Variants in MYO16 observed in about 807,000 individuals in gnomAD.
MYO16 encodes the protein unconventional myosin-XVI.
In MYO16, 94 loss-of-function variants were observed where a neutral mutation model predicts 205.3. The observed-to-expected ratio is 0.46, with a 90% CI of 0.39 to 0.54. The LOEUF (loss-of-function observed/expected upper bound fraction) is 0.54, where lower values mean the gene tolerates loss of function less well. Among genes scored for constraint, MYO16 ranks in the 20% least tolerant of loss-of-function variants. The pLI is 0.00. For missense variants in MYO16, 2,315 were observed against 2,387.5 expected, an observed-to-expected ratio of 0.97 and a Z score of 0.63; for synonymous variants, 988 against 954.0, an observed-to-expected ratio of 1.04 and a Z score of -0.66.
intron 4 of MYO16, among the ~76,000 whole-genome samples, chr13:108,727,889 A>AT (rs1884395152): frequency 6.6e-6 from 1 of 152,162 alleles, no homozygotes; most frequent in Non-Finnish European, 1.5e-5. Context: ...ATTCATTCTC[A>AT]TTTTTAAATT....
chr13:109,128,573 G>C (rs1876376459), intron 31 of MYO16, among the ~76,000 whole-genome samples: 4 of 151,662 alleles, frequency 2.6e-5, no homozygotes, highest in Admixed American at 2.6e-4. Flanking sequence ...GAAGCAGTAA[G>C]TCCATCCTAG....
At chr13:108,852,910 G>A (rs905359674) in intron 10 of MYO16, among the ~76,000 whole-genome samples, 2 of 152,254 alleles carry the variant, frequency 1.3e-5, no homozygotes, top group Non-Finnish European at 2.9e-5. Context: ...CAGATTGGAA[G>A]ATGTACAACT....
chr13:109,046,044 A>T (rs1213455740), intron 23 of MYO16, among the ~76,000 whole-genome samples: 3 of 151,964 alleles, frequency 2.0e-5, no homozygotes, highest in Admixed American at 6.6e-5. Flanking sequence ...GCCCTCCCTC[A>T]TGGCGGATCC....
At chr13:109,203,737 C>T (rs1047491704) in intron 34 of MYO16, among the ~76,000 whole-genome samples, 4 of 152,204 alleles carry the variant, frequency 2.6e-5, no homozygotes, top group Admixed American at 2.6e-4. Context: ...TGAGACTGGT[C>T]ACATGCTAGA....
the MYO16 span, among the ~76,000 whole-genome samples, chr13:108,559,497 C>A: frequency 2.0e-5 from 2 of 102,208 alleles, no homozygotes; most frequent in Non-Finnish European, 3.6e-5. Flanking sequence ...TTTTTTGAGA[C>A]GGAGTCTTGC....
At chr13:108,603,244 C>T (rs1878830808) in intron 1 of MYO16, among the ~76,000 whole-genome samples, 1 of 152,032 alleles carries the variant, frequency 6.6e-6, no homozygotes, top group African/African-American at 2.4e-5. Context: ...TTAGGAAAAT[C>T]CTGGACATGT....
chr13:108,838,862 C>T (rs2139059638), intron 9 of MYO16, among the ~76,000 whole-genome samples: 1 of 151,882 alleles, frequency 6.6e-6, no homozygotes, highest in East Asian at 1.9e-4. Context: ...CTTGGGAACT[C>T]TATGAATGAT....
chr13:108,950,808 G>A lies in MYO16; in HGVS notation c.1926-6880G>A, dbSNP rs547186507. On this transcript the variant is annotated intron_variant, in intron 16 of 34. Coordinates refer to ENST00000457511, the MANE Select transcript of MYO16 (RefSeq NM_001198950.3). ...GGAACACTCTAGATGTTTCTCAGAC[G>A]GGTAAGTGGCTAGACACACTGCTGT... Among the ~76,000 whole-genome samples the A allele has an allele frequency of 7.2e-5, 11 of 152,274 alleles. No homozygotes were observed. In the South Asian group the frequency reaches 1.5e-3, roughly 20 times the overall value.
intron 1 of MYO16, among the ~76,000 whole-genome samples, chr13:108,608,192 T>A (rs974010445): frequency 3.3e-5 from 5 of 152,210 alleles, no homozygotes; most frequent in African/African-American, 4.8e-5. Context: ...CACATAGGCC[T>A]AGGGCGGCAT....
intron 4 of MYO16, among the ~76,000 whole-genome samples, chr13:108,765,852 C>T (rs1183134214): frequency 6.6e-6 from 1 of 152,110 alleles, no homozygotes; most frequent in Non-Finnish European, 1.5e-5. Context: ...TTTATGTTTC[C>T]TGAGGTCATA....
At chr13:108,674,133 A>G (rs1882105395) in intron 2 of MYO16, among the ~76,000 whole-genome samples, 1 of 152,168 alleles carries the variant, frequency 6.6e-6, no homozygotes. Context: ...AATCATTAGG[A>G]CCAAGCTTTC....
chr13:108,791,446 G>A (rs1886612514), intron 5 of MYO16, among the ~76,000 whole-genome samples: 1 of 152,160 alleles, frequency 6.6e-6, no homozygotes, highest in Admixed American at 6.5e-5. Flanking sequence ...CTTACTGAAA[G>A]CTAAATACAT....
chr13:109,194,691 A>T (rs1880071953), intron 34 of MYO16, among the ~76,000 whole-genome samples: 1 of 152,168 alleles, frequency 6.6e-6, no homozygotes, highest in Non-Finnish European at 1.5e-5. Context: ...ATGGATGATG[A>T]CGAGGCTAGA....
At chr13:109,023,298 A>C (rs867939956) in intron 23 of MYO16, among the ~76,000 whole-genome samples, 4,411 of 78,056 alleles carry the variant, frequency 0.057, 209 homozygotes, top group Non-Finnish European at 0.079. Context: ...TATTATACAG[A>C]TATAAATATA....
At chr13:108,555,984 T>C in the MYO16 span, among the ~76,000 whole-genome samples, 1 of 152,104 alleles carries the variant, frequency 6.6e-6, no homozygotes, top group Non-Finnish European at 1.5e-5. Flanking sequence ...TTTTCTTGTA[T>C]CCATTCATCT....
intron 4 of MYO16, among the ~76,000 whole-genome samples, chr13:108,765,522 G>T (rs79555073): frequency 6.6e-5 from 10 of 152,054 alleles, no homozygotes. Flanking sequence ...TCTTTTAGAT[G>T]GTTCTCCTGG....
chr13:108,889,575 T>G (rs1254779523), intron 14 of MYO16, among the ~76,000 whole-genome samples: 4 of 152,000 alleles, frequency 2.6e-5, no homozygotes, highest in African/African-American at 9.7e-5. Context: ...CAATAACCAA[T>G]CCAAAAGAAT....
intron 14 of MYO16, among the ~76,000 whole-genome samples, chr13:108,890,521 G>A (rs779484766): frequency 1.3e-5 from 2 of 152,148 alleles, no homozygotes; most frequent in African/African-American, 2.4e-5. Context: ...CTGCTCAGAG[G>A]AAGGGAGCAG....
At chr13:108,875,915 T>G (rs1004859493) in intron 12 of MYO16, among the ~76,000 whole-genome samples, 1 of 152,122 alleles carries the variant, frequency 6.6e-6, no homozygotes, top group Non-Finnish European at 1.5e-5. Context: ...ATGAATCCCA[T>G]GTACACACAG....
Sources: allele counts gnomAD v4.1 joint callset (sites outside exome capture counted in the v4.1 genomes callset), GRCh38; gene constraint gnomAD v4.1.1; transcripts MANE v1.5; gene names NCBI Gene and HGNC (gene_info 2026-07-23, HGNC 2026-07-21).